CACNA2D4: variants seen among roughly 807,000 people sequenced by gnomAD.
The protein encoded by CACNA2D4 is voltage-dependent calcium channel subunit alpha-2/delta-4.
CACNA2D4 carries 157 observed loss-of-function variants against 163.8 expected under a neutral mutation model. That is an observed-to-expected ratio of 0.96 (90% CI 0.84 to 1.09). The LOEUF is 1.09. Ranked by LOEUF, CACNA2D4 falls within the 50% of genes least tolerant of loss-of-function variation. CACNA2D4 has a pLI of 0.00. For synonymous variants in CACNA2D4, 598 were observed against 586.9 expected (o/e 1.02, Z -0.27); for missense variants, 1,410 against 1,479.9 (o/e 0.95, Z 0.78).
chr12:1,866,652 A>T (rs924075009), intron 18 of CACNA2D4, among the ~76,000 whole-genome samples: 1 of 151,826 alleles, frequency 6.6e-6, no homozygotes, highest in Non-Finnish European at 1.5e-5. Context: ...ACATAGTCTC[A>T]CTCTGTTGCC....
At chr12:1,872,673 T>C (rs534618618) in intron 18 of CACNA2D4, among the ~76,000 whole-genome samples, 10 of 152,260 alleles carry the variant, frequency 6.6e-5, no homozygotes, top group African/African-American at 2.2e-4. Context: ...ACTTTGGGGA[T>C]GAGTGGCAGC....
Position 1,886,338 on chromosome 12 carries a change from A to T in CACNA2D4, c.878T>A (p.Val293Glu). 6.2e-7 allele frequency: 1 copy of T among 1,613,950 alleles called. No individual in the cohort carries two copies. The highest frequency in any genetic ancestry group is 1.1e-5 in the South Asian group (1 of 91,066). Residue 293 changes from valine to glutamate, a missense_variant, in exon 8 of 38, where the codon GTG becomes GAG. Physicochemically the swap from Val to Glu is moderately radical, Grantham distance 121. Transcript: ENST00000382722. ...ACTGCCGCTCACGTCCACCAAAATC[A>T]CTATGTCCTTGGGAGAAGTAGCAGC... ...IQAATSPKDI[V>E]ILVDVSGSMK...
chr12:1,797,602 A>C, intron 34 of CACNA2D4, 67 bp from the exon 35 acceptor site: 2 of 1,183,586 alleles, frequency 1.7e-6, no homozygotes, highest in Non-Finnish European at 2.4e-6. Flanking sequence ...TCGCCTCGGC[A>C]CTCCCAGGGC....
intron 9 of CACNA2D4, 30 bp from the exon 10 acceptor site, chr12:1,885,106 CA>C (rs770729710): frequency 1.3e-5 from 21 of 1,590,246 alleles, no homozygotes; most frequent in Non-Finnish European, 1.6e-5. Context: ...AGAGAAGCAT[CA>C]GGGGGTTGAG....
At chr12:1,831,896 G>A (rs1864652368) in intron 26 of CACNA2D4, among the ~76,000 whole-genome samples, 1 of 152,102 alleles carries the variant, frequency 6.6e-6, no homozygotes, top group South Asian at 2.1e-4. Flanking sequence ...TTTGCCTGTG[G>A]GCTTCCCCAG....
At chr12:1,894,471 T>C (rs1344790676) in intron 6 of CACNA2D4, among the ~76,000 whole-genome samples, 2 of 152,138 alleles carry the variant, frequency 1.3e-5, no homozygotes, top group Non-Finnish European at 1.5e-5. Context: ...CTGATGACCA[T>C]AGATGCAAAA....
In CACNA2D4 at chr12:1,844,423, G is replaced by T. The variant is rs1240086647; in HGVS notation, c.2449C>A (p.Leu817Ile). The T allele has an allele frequency of 6.2e-7, 1 of 1,613,544 alleles. No individual in the cohort carries two copies. Among genetic ancestry groups the T allele is most frequent in the African/African-American group, 1.3e-5 (1 of 74,934 alleles). Residue 817 changes from leucine to isoleucine, a missense_variant, in exon 25 of 38, where the codon CTC becomes ATC. Coordinates refer to ENST00000382722, the MANE Select transcript of CACNA2D4 (RefSeq NM_172364.5). This position sits in a 1 kb window ranked among gnomAD's most constrained non-coding sequence, Gnocchi z 4.2. ...EHPAGSFVFN[L>I]RWAEGPESAG... ...TTACCTGGTCCTTCTGCCCAGCGGA[G>T]GTTGAAGACGAAGCTGCCAGCAGGA...
rs1024972016 is a variant in CACNA2D4, at chr12:1,806,170, C to T, written c.2721+4108G>A. On this transcript the variant is annotated intron_variant, in intron 29 of 37. Coordinates refer to ENST00000382722, the MANE Select transcript of CACNA2D4 (RefSeq NM_172364.5). This position sits in a 1 kb window ranked among gnomAD's most constrained non-coding sequence, Gnocchi z 4.1. ...GAAGCTTCCATGGGTGGGTGCCGCCCAGAAGCAAATGACAGGAATCGGAGT... is the reference window on the plus strand; with the variant it reads ...GAAGCTTCCATGGGTGGGTGCCGCCTAGAAGCAAATGACAGGAATCGGAGT... Among the ~76,000 whole-genome samples, 16 of 152,300 alleles carry T rather than the reference C, an allele frequency of 1.1e-4. No individual in the cohort carries two copies. Among genetic ancestry groups the T allele is most frequent in the African/African-American group, 3.4e-4 (14 of 41,548 alleles).
chr12:1,908,416 G>A (rs1448329582), intron 4 of CACNA2D4, among the ~76,000 whole-genome samples: 3 of 152,214 alleles, frequency 2.0e-5, no homozygotes, highest in Non-Finnish European at 4.4e-5. Flanking sequence ...GAAGGTCCCA[G>A]AGCCCCAGAA....
At chr12:1,907,735 C>T (rs1277683683) in intron 5 of CACNA2D4, 140 bp downstream of exon 5, 45 of 1,193,414 alleles carry the variant, frequency 3.8e-5, no homozygotes, top group Middle Eastern at 4.8e-4. Context: ...GGTGGGCGTG[C>T]CTGGTGGGCG....
Position 1,830,827 on chromosome 12 carries a change from A to G in CACNA2D4, c.2551+9912T>C, listed in dbSNP as rs550818766. 83 of 902,280 alleles carry G rather than the reference A, an allele frequency of 9.2e-5. No individual in the cohort carries two copies. In the African/African-American group the frequency reaches 1.3e-3, roughly 15 times the overall value. 55.9% of individuals were successfully genotyped at this position (902,280 alleles called of 1,614,324 possible). A position where few individuals can be genotyped will look rare whatever the true frequency, so the allele number is the denominator to read the frequency against. ...TATGCATTGATTGTGGCTTGTGCCA[A>G]AGGAGATAAAGCCAAGAGCCTGTTA... On this transcript the variant is annotated intron_variant, in intron 26 of 37. Transcript: ENST00000382722.
chr12:1,801,173 CT>C, intron 30 of CACNA2D4, 55 bp from the exon 31 acceptor site: 1 of 1,485,552 alleles, frequency 6.7e-7, no homozygotes. Flanking sequence ...CCCCCTGCCC[CT>C]GCCTCAGGAG....
intron 3 of CACNA2D4, 24 bp from the exon 4 acceptor site, chr12:1,909,989 A>ACCTCT (rs1449835010): frequency 6.2e-7 from 1 of 1,609,270 alleles, no homozygotes; most frequent in South Asian, 1.1e-5. Flanking sequence ...ACACAGAGGT[A>ACCTCT]GGGAGAATGG....
In CACNA2D4 at chr12:1,798,221, C is replaced by T. The variant is rs1863195049; in HGVS notation, c.2996-686G>A. Among the ~76,000 whole-genome samples the T allele has an allele frequency of 6.6e-6, 1 of 152,196 alleles. No homozygotes were observed. The highest frequency in any genetic ancestry group is 2.4e-5 in the African/African-American group (1 of 41,454). The stretch of plus-strand genomic sequence containing the variant: ...CAGCCCCGCTCTGCAGGACCCGAGT[C>T]CGTTCCCTCCCGGAGCCTCCTGAGG... On this transcript the variant is annotated intron_variant, in intron 34 of 37. Transcript: ENST00000382722. This position sits in a 1 kb window ranked among gnomAD's most constrained non-coding sequence, Gnocchi z 4.3.
At chr12:1,850,662 TGGGAGGCCGAGGCAGG>T (rs887200624) in intron 23 of CACNA2D4, among the ~76,000 whole-genome samples, 2 of 152,168 alleles carry the variant, frequency 1.3e-5, no homozygotes, top group Middle Eastern at 3.4e-3. Flanking sequence ...CCCAGCACTT[TGGGAGGCCGAGGCAGG>T]GGGATCATGA....
intron 26 of CACNA2D4, among the ~76,000 whole-genome samples, chr12:1,816,178 T>C (rs148134497): frequency 0.013 from 1,912 of 152,274 alleles, 14 homozygotes; most frequent in Middle Eastern, 0.031. Flanking sequence ...TCCCATCATC[T>C]CCTGCTAGCC....
intron 18 of CACNA2D4, among the ~76,000 whole-genome samples, chr12:1,873,132 C>T (rs899211861): frequency 5.9e-5 from 9 of 152,032 alleles, no homozygotes; most frequent in South Asian, 2.1e-4. Context: ...TACTTGACAG[C>T]GCCCAGCCCA....
chr12:1,912,518 T>G (rs552959418), intron 3 of CACNA2D4, among the ~76,000 whole-genome samples: 1 of 152,072 alleles, frequency 6.6e-6, no homozygotes, highest in Non-Finnish European at 1.5e-5. Flanking sequence ...TTGGAAGCCA[T>G]GAAGGTGGGT....
rs60739615 is a variant in CACNA2D4 at position 1,802,015 on chromosome 12, C to CTGTGTGTGTGTGTGTG, written c.2722-387_2722-372dup. On this transcript the variant is annotated intron_variant, in intron 29 of 37. Transcript: ENST00000382722. The surrounding 1 kb of genome is among the most constrained non-coding windows in gnomAD (Gnocchi z 4.7). ...TATGAAACTGGATTTGTTTTATATG[C>CTGTGTGTGTGTGTGTG]TGTGTGTGTGTGTGTGTGTGTGTGT... 4.2e-5 allele frequency among the ~76,000 whole-genome samples: 6 copies of CTGTGTGTGTGTGTGTG among 144,270 alleles called. No individual in the cohort carries two copies. The East Asian group carries it at 6.3e-4, about 15-fold the overall frequency. 94.6% of individuals were successfully genotyped at this position (144,270 alleles called of 152,430 possible).
Sources: allele counts gnomAD v4.1 joint callset (sites outside exome capture counted in the v4.1 genomes callset), GRCh38; gene constraint gnomAD v4.1.1; non-coding constraint Gnocchi (gnomAD v3.1); transcripts MANE v1.5; gene names NCBI Gene and HGNC (gene_info 2026-07-23, HGNC 2026-07-21).